The following MAK variants were observed in gnomAD, a reference collection of about 807,000 sequenced individuals.
The protein encoded by MAK is serine/threonine-protein kinase MAK.
A neutral mutation model predicts 82.6 loss-of-function variants in MAK; 65 were observed. That is an observed-to-expected ratio of 0.79 (90% CI 0.64 to 0.97). The LOEUF (loss-of-function observed/expected upper bound fraction) is 0.97. Among genes scored for constraint, MAK ranks in the 50% least tolerant of loss-of-function variants. The pLI is 0.00. For synonymous variants in MAK, 250 were observed against 274.2 expected (o/e 0.91, Z 0.87); for missense variants, 703 against 780.2 (o/e 0.90, Z 1.18).
intron 13 of MAK, among the ~76,000 whole-genome samples, chr6:10,771,899 G>A (rs1186277709): frequency 6.6e-6 from 1 of 152,220 alleles, no homozygotes; most frequent in Non-Finnish European, 1.5e-5. Flanking sequence ...TCAAAGCAGT[G>A]ATTGCATTCA....
chr6:10,806,314 T>C (rs1776444866), intron 6 of MAK, among the ~76,000 whole-genome samples: 2 of 125,616 alleles, frequency 1.6e-5, no homozygotes, highest in African/African-American at 5.6e-5. Flanking sequence ...TACAAGTATG[T>C]GCCACCATGC....
At chr6:10,773,760 C>T (rs141291625) in intron 12 of MAK, among the ~76,000 whole-genome samples, 1,730 of 145,142 alleles carry the variant, frequency 0.012, 30 homozygotes, top group African/African-American at 0.04. Flanking sequence ...GGTGTGATCT[C>T]GGCTCACTGC....
intron 6 of MAK, among the ~76,000 whole-genome samples, chr6:10,807,629 CAT>C (rs906327557): frequency 1.1e-4 from 16 of 151,844 alleles, no homozygotes; most frequent in African/African-American, 3.9e-4. Context: ...CGTGAGCCAC[CAT>C]GCCCAGCCTG....
chr6:10,789,265 G>A (rs1250201737), intron 10 of MAK, among the ~76,000 whole-genome samples: 1 of 152,030 alleles, frequency 6.6e-6, no homozygotes, highest in Non-Finnish European at 1.5e-5. Flanking sequence ...AGAGCTCCTG[G>A]ATAAGTTTTC....
chr6:10,781,086 T>G (rs2127527000), intron 11 of MAK, among the ~76,000 whole-genome samples: 1 of 152,268 alleles, frequency 6.6e-6, no homozygotes, highest in South Asian at 2.1e-4. Flanking sequence ...TAAGGGATCT[T>G]GCTCCTCTAC....
intron 7 of MAK, among the ~76,000 whole-genome samples, chr6:10,802,981 A>G (rs1039380054): frequency 6.6e-6 from 1 of 152,216 alleles, no homozygotes; most frequent in African/African-American, 2.4e-5. Flanking sequence ...GGGAGATATA[A>G]AAAAGGAAAC....
At chr6:10,791,885 G>GT in intron 9 of MAK, 38 bp from the exon 10 acceptor site, 1 of 1,602,460 alleles carries the variant, frequency 6.2e-7, no homozygotes, top group Non-Finnish European at 8.6e-7. Flanking sequence ...CTTTAATCAT[G>GT]TACTGAATGC....
intron 11 of MAK, among the ~76,000 whole-genome samples, chr6:10,777,920 G>T (rs1011640575): frequency 6.6e-6 from 1 of 152,188 alleles, no homozygotes; most frequent in Non-Finnish European, 1.5e-5. Flanking sequence ...TTACAGGTAT[G>T]AGCCACCTCG....
intron 1 of MAK, among the ~76,000 whole-genome samples, chr6:10,837,612 C>G (rs1040526001): frequency 3.3e-5 from 5 of 152,202 alleles, no homozygotes; most frequent in Admixed American, 3.3e-4. Flanking sequence ...CTTTGGCTTC[C>G]CTCTTTGAGA....
intron 2 of MAK, among the ~76,000 whole-genome samples, chr6:10,821,436 C>T (rs1348723801): frequency 1.3e-5 from 2 of 151,846 alleles, no homozygotes; most frequent in East Asian, 1.9e-4. Context: ...CCACCAAGCT[C>T]GACTAATTTT....
intron 11 of MAK, among the ~76,000 whole-genome samples, chr6:10,782,380 C>T (rs1392468291): frequency 1.3e-5 from 2 of 152,124 alleles, no homozygotes; most frequent in Non-Finnish European, 2.9e-5. Flanking sequence ...TTCCTCCTTA[C>T]AAATCAGCAC....
intron 5 of MAK, among the ~76,000 whole-genome samples, chr6:10,813,130 ATATAAATT>A (rs1777163257): frequency 0.012 from 9 of 768 alleles, no homozygotes; most frequent in Non-Finnish European, 0.019. Flanking sequence ...ATATATATAT[ATATAAATT>A]TTTTTTTTTT....
At chr6:10,799,166 G>C (rs549066805) in intron 8 of MAK, among the ~76,000 whole-genome samples, 1 of 152,150 alleles carries the variant, frequency 6.6e-6, no homozygotes, top group South Asian at 2.1e-4. Flanking sequence ...TCAATGTACA[G>C]TTTTCTATTG....
chr6:10,766,042 T>C (rs1259514534), intron 14 of MAK, among the ~76,000 whole-genome samples: 1 of 152,226 alleles, frequency 6.6e-6, no homozygotes, highest in Non-Finnish European at 1.5e-5. Context: ...CCTTCACGCT[T>C]TCCTCACCTC....
At chr6:10,782,989 T>G (rs773484500) in intron 11 of MAK, among the ~76,000 whole-genome samples, 3 of 152,196 alleles carry the variant, frequency 2.0e-5, no homozygotes, top group Non-Finnish European at 2.9e-5. Flanking sequence ...TTCTCTTGTT[T>G]GCCATGCCCC....
Position 10,793,858 on chromosome 6 carries a change from C to T in MAK, c.1144-2011G>A, listed in dbSNP as rs1196663691. ...GGGAGGACTGTCATCGTTGGTGGCACGAGTGCACATATGGTTTAGAATGTC... is the reference window on the plus strand; with the variant it reads ...GGGAGGACTGTCATCGTTGGTGGCATGAGTGCACATATGGTTTAGAATGTC... On this transcript the variant is annotated intron_variant, in intron 9 of 14. Transcript: ENST00000354489. This position sits in a 1 kb window ranked among gnomAD's most constrained non-coding sequence, Gnocchi z 4.6. Among the ~76,000 whole-genome samples the T allele has an allele frequency of 6.6e-6, 1 of 152,120 alleles. No individual in the cohort carries two copies. Among genetic ancestry groups the T allele is most frequent in the Non-Finnish European group, 1.5e-5 (1 of 68,032 alleles).
Position 10,793,949 on chromosome 6 carries a change from C to G in MAK, c.1143+2049G>C, listed in dbSNP as rs1006672735. ...TGCCTCTAGCTCTGGCAACCTCATTCTAAGTGGAAAGCAAGATGAGAGGGG... is the reference window on the plus strand; with the variant it reads ...TGCCTCTAGCTCTGGCAACCTCATTGTAAGTGGAAAGCAAGATGAGAGGGG... On this transcript the variant is annotated intron_variant, in intron 9 of 14. Transcript: ENST00000354489. The surrounding 1 kb of genome is among the most constrained non-coding windows in gnomAD (Gnocchi z 4.6). Among the ~76,000 whole-genome samples, 18 of 152,118 alleles carry G rather than the reference C, an allele frequency of 1.2e-4. No homozygotes were observed. Among genetic ancestry groups the G allele is most frequent in the African/African-American group, 4.1e-4 (17 of 41,428 alleles).
rs371429892 is a variant in MAK, at chr6:10,764,552, T to G, written c.1847A>C (p.Asn616Thr). The change falls in exon 15 of 15, where the codon AAT (asparagine) becomes ACT (threonine). Residue 616 changes from asparagine (N) to threonine (T), a missense_variant. By Grantham distance (65) the Asn-to-Thr change is moderately conservative. Transcript: ENST00000354489. ...AATATTTAGGTTTTTTGCTGTAGGA[T>G]TATAAGTACGTCCTGAAAACTGCCC... ...GRGQFSGRTYNPTAKNLNIVN... is the reference protein window; with the variant it reads ...GRGQFSGRTYTPTAKNLNIVN... 28 of 1,613,930 alleles carry G rather than the reference T, an allele frequency of 1.7e-5. No homozygotes were observed. Among genetic ancestry groups the G allele is most frequent in the Non-Finnish European group, 2.4e-5 (28 of 1,179,958 alleles).
intron 14 of MAK, among the ~76,000 whole-genome samples, chr6:10,768,154 A>T (rs1048715519): frequency 1.1e-4 from 16 of 152,094 alleles, no homozygotes; most frequent in Admixed American, 5.9e-4. Context: ...TGGATAGAAT[A>T]ATTAATATAT....
Sources: gnomAD v4.1 joint callset for allele counts (sites outside exome capture counted in the v4.1 genomes callset) on GRCh38, gnomAD v4.1.1 for gene constraint, Gnocchi (gnomAD v3.1) non-coding constraint, MANE v1.5 for transcripts, NCBI Gene and HGNC (gene_info 2026-07-23, HGNC 2026-07-21) for gene names.